MSH3: variants seen among roughly 807,000 people sequenced by gnomAD.
The protein encoded by MSH3 is mutS homolog 3.
In MSH3, 106 loss-of-function variants were observed where a neutral mutation model predicts 123.3. The ratio of observed to expected loss-of-function variants is 0.86; its 90% CI spans 0.73 to 1.01. The LOEUF is 1.01. MSH3 is among the 50% of genes least tolerant of loss of function. The probability of loss-of-function intolerance (pLI) is 0.00; values close to 1 mark genes in which losing one functional copy is unlikely to be tolerated. For synonymous variants in MSH3, 515 were observed against 481.4 expected, an observed-to-expected ratio of 1.07 and a Z score of -0.91; for missense variants, 1,459 against 1,347.6, an observed-to-expected ratio of 1.08 and a Z score of -1.29.
At chr5:80,758,501 G>A (rs1743969852) in intron 12 of MSH3, among the ~76,000 whole-genome samples, 1 of 152,202 alleles carries the variant, frequency 6.6e-6, no homozygotes, top group Non-Finnish European at 1.5e-5. Context: ...GTAAATGGCA[G>A]AGCCTGGGTT....
intron 22 of MSH3, among the ~76,000 whole-genome samples, chr5:80,868,647 A>C (rs1048100492): frequency 1.4e-5 from 2 of 146,208 alleles, no homozygotes; most frequent in Non-Finnish European, 3.0e-5. Context: ...GGAGAGGATC[A>C]GGAAGAATAA....
chr5:80,732,482 G>T (rs245336), intron 10 of MSH3, among the ~76,000 whole-genome samples: 34,313 of 151,912 alleles, frequency 0.23, 4,057 homozygotes, highest in Non-Finnish European at 0.27. Flanking sequence ...ACATCTAATG[G>T]CTAGCAGCCA....
intron 22 of MSH3, among the ~76,000 whole-genome samples, chr5:80,865,742 A>G (rs920578169): frequency 6.6e-6 from 1 of 152,176 alleles, no homozygotes; most frequent in African/African-American, 2.4e-5. Context: ...GTATGCTGCA[A>G]TGGAAAATCC....
chr5:80,769,544 T>C (rs1744181180), intron 15 of MSH3, among the ~76,000 whole-genome samples: 1 of 152,066 alleles, frequency 6.6e-6, no homozygotes, highest in Non-Finnish European at 1.5e-5. Flanking sequence ...TAAAGTTTGA[T>C]AGTAATGTCT....
At chr5:80,734,828 G>A (rs981619631) in intron 10 of MSH3, among the ~76,000 whole-genome samples, 4 of 151,966 alleles carry the variant, frequency 2.6e-5, no homozygotes, top group Admixed American at 1.3e-4. Context: ...GTTTCCCTGC[G>A]CCCACCAAAG....
chr5:80,867,502 T>C (rs1746126812), intron 22 of MSH3, among the ~76,000 whole-genome samples: 1 of 152,192 alleles, frequency 6.6e-6, no homozygotes, highest in African/African-American at 2.4e-5. Flanking sequence ...GGGGTGACTT[T>C]GATGGGCCTA....
chr5:80,711,296 C>A (rs1312704907), intron 8 of MSH3, among the ~76,000 whole-genome samples: 1 of 152,194 alleles, frequency 6.6e-6, no homozygotes, highest in Non-Finnish European at 1.5e-5. Flanking sequence ...GCGGATAGGT[C>A]CTGGTGTGTT....
chr5:80,656,372 G>A (rs1371530964), intron 1 of MSH3, 39 bp from the exon 2 acceptor site: 3 of 1,612,924 alleles, frequency 1.9e-6, no homozygotes, highest in Non-Finnish European at 2.5e-6. Flanking sequence ...CCTTCTCAGA[G>A]TAGAGATAAC....
chr5:80,752,938 G>A (rs146634566), intron 12 of MSH3, among the ~76,000 whole-genome samples: 184 of 152,160 alleles, frequency 1.2e-3, no homozygotes, highest in African/African-American at 4.1e-3. Flanking sequence ...CCTGTTTAGG[G>A]GTTCAAACAG....
At chr5:80,722,538 T>A (rs965576534) in intron 8 of MSH3, among the ~76,000 whole-genome samples, 22 of 152,188 alleles carry the variant, frequency 1.4e-4, no homozygotes, top group African/African-American at 5.3e-4. Flanking sequence ...GGTCAGTGGT[T>A]CTTTAACTTT....
chr5:80,712,597 G>A (rs141244469), intron 8 of MSH3, among the ~76,000 whole-genome samples: 14 of 151,924 alleles, frequency 9.2e-5, no homozygotes, highest in African/African-American at 2.9e-4. Context: ...GAATTTTGGG[G>A]TTTTTTTCCC....
At chr5:80,860,872 T>G (rs1236737388) in intron 21 of MSH3, among the ~76,000 whole-genome samples, 3 of 152,238 alleles carry the variant, frequency 2.0e-5, no homozygotes, top group Non-Finnish European at 4.4e-5. Context: ...TTTTTCTGTT[T>G]GCATTTCCAT....
At chr5:80,803,508 C>A (rs1744828793) in intron 19 of MSH3, among the ~76,000 whole-genome samples, 1 of 102,544 alleles carries the variant, frequency 9.8e-6, no homozygotes, top group African/African-American at 3.1e-5. Context: ...AATATTTTCT[C>A]CCATTCTGTG....
intron 9 of MSH3, among the ~76,000 whole-genome samples, chr5:80,728,324 T>G (rs1307805485): frequency 6.6e-6 from 1 of 152,234 alleles, no homozygotes; most frequent in East Asian, 1.9e-4. Flanking sequence ...CAGACAACTT[T>G]TTTCCCTCAC....
chr5:80,654,948 A>C lies in MSH3; in HGVS notation c.221A>C (p.Gln74Pro), dbSNP rs1440495979. Residue 74 changes from glutamine (Q) to proline (P), a missense_variant, in exon 1 of 24, where the codon CAG becomes CCG. Physicochemically the swap from Gln to Pro is moderately conservative, Grantham distance 76. Transcript: ENST00000265081. ...PAPPAPAFPP[Q>P]LPPHIATEID... ...CCCCCAGCTCCCGCCTTCCCGCCCC[A>C]GCTGCCGCCGCACATAGTAGGTTCT... 6.8e-7 allele frequency: 1 copy of C among 1,470,222 alleles called. No homozygotes were observed. The allele number at this position is 1,470,222 out of a possible 1,614,324, so 91.1% of individuals were successfully genotyped here. A position where few individuals can be genotyped will look rare whatever the true frequency, so the allele number is the denominator to read the frequency against.
At chr5:80,808,009 T>C (rs1421012774) in intron 19 of MSH3, among the ~76,000 whole-genome samples, 1 of 152,236 alleles carries the variant, frequency 6.6e-6, no homozygotes, top group Non-Finnish European at 1.5e-5. Context: ...ATTTTTATTT[T>C]GGTTTTAAGT....
intron 8 of MSH3, chr5:80,715,374 T>A (rs1276375673): frequency 6.6e-6 from 1 of 152,178 alleles, no homozygotes; most frequent in African/African-American, 2.4e-5. Flanking sequence ...GATGATGACT[T>A]GAATGGAGAC....
chr5:80,729,447 T>G (rs1743369702), intron 10 of MSH3, among the ~76,000 whole-genome samples: 1 of 128,370 alleles, frequency 7.8e-6, no homozygotes, highest in Non-Finnish European at 1.7e-5. Flanking sequence ...TGTGTGTGTG[T>G]GTGTGTGTGT....
Position 80,726,458 on chromosome 5 carries a change from C to T in MSH3, c.1453+893C>T, listed in dbSNP as rs144595845. Reference sequence around the variant, plus strand: ...GCCTTGGTCAAATAAAGTGTCTGAGCGTGTATCCCACTTCTTTTTATTTTT... The same window carrying T: ...GCCTTGGTCAAATAAAGTGTCTGAGTGTGTATCCCACTTCTTTTTATTTTT... On this transcript the variant is annotated intron_variant, in intron 9 of 23. Coordinates refer to ENST00000265081, the MANE Select transcript of MSH3 (RefSeq NM_002439.5). Among the ~76,000 whole-genome samples the T allele has an allele frequency of 4.6e-5, 7 of 152,152 alleles. No individual in the cohort carries two copies. In the East Asian group the frequency reaches 5.8e-4, roughly 13 times the overall value.
Sources: gnomAD v4.1 joint callset for allele counts (sites outside exome capture counted in the v4.1 genomes callset) on GRCh38, gnomAD v4.1.1 for gene constraint, MANE v1.5 for transcripts, NCBI Gene and HGNC (gene_info 2026-07-23, HGNC 2026-07-21) for gene names.